Variants in MAB21L3 observed in about 807,000 individuals in gnomAD.
MAB21L3 encodes the protein protein mab-21-like 3.
Under a neutral mutation model 37.7 loss-of-function variants are expected in MAB21L3, and 36 were observed. That is an observed-to-expected ratio of 0.96 (90% CI 0.73 to 1.26). The LOEUF is 1.26. Ranked by LOEUF, MAB21L3 falls within the 50% of genes most tolerant of loss-of-function variation. MAB21L3 has a pLI of 0.00. For missense variants in MAB21L3, 430 were observed against 447.3 expected (o/e 0.96, Z 0.35); for synonymous variants, 186 against 176.8 (o/e 1.05, Z -0.41).
At chr1:116,124,832 A>T (rs147417328) in intron 5 of MAB21L3, among the ~76,000 whole-genome samples, 1,823 of 152,004 alleles carry the variant, frequency 0.012, 22 homozygotes, top group Non-Finnish European at 0.017. Context: ...ACTAAGTTTG[A>T]CAACTCCAAA....
chr1:116,123,371 G>C (rs1659803617), intron 4 of MAB21L3, among the ~76,000 whole-genome samples: 1 of 151,946 alleles, frequency 6.6e-6, no homozygotes, highest in African/African-American at 2.4e-5. Flanking sequence ...GGAAGGGTTA[G>C]TCATGAACAC....
intron 7 of MAB21L3, among the ~76,000 whole-genome samples, chr1:116,128,677 C>A (rs892120610): frequency 2.0e-5 from 3 of 152,106 alleles, no homozygotes; most frequent in Non-Finnish European, 2.9e-5. Context: ...TGCCAGAAAC[C>A]CTGCTGAGGT....
chr1:116,127,531 G>A lies in MAB21L3; in HGVS notation c.547G>A (p.Val183Met), dbSNP rs753831631. Reference protein sequence around the residue: ...WVAVETSAYQVELELVPAVEI... With the variant: ...WVAVETSAYQMELELVPAVEI... ...TGCTGTGGAAACATCTGCATATCAG[G>A]TGGAACTGGAGCTGGTCCCCGCAGT... The change falls in exon 6 of 8, where the codon GTG becomes ATG. Residue 183 changes from valine to methionine, a missense_variant. By Grantham distance (21) the Val-to-Met change is conservative (BLOSUM62 1). Transcript: ENST00000369500. 6 of 1,614,078 alleles carry A rather than the reference G, an allele frequency of 3.7e-6. No individual in the cohort carries two copies. The highest frequency in any genetic ancestry group is 1.7e-5 in the Admixed American group (1 of 60,010).
At chr1:116,127,994 G>T (rs1659957879) in intron 6 of MAB21L3, 151 bp from the exon 7 acceptor site, 4 of 775,250 alleles carry the variant, frequency 5.2e-6, no homozygotes, top group African/African-American at 3.5e-5. Context: ...GGTGGCTTGT[G>T]GTCTCCCTGG....
At chr1:116,129,980 T>C (rs1311994076) in intron 7 of MAB21L3, among the ~76,000 whole-genome samples, 1 of 152,238 alleles carries the variant, frequency 6.6e-6, no homozygotes, top group Non-Finnish European at 1.5e-5. Flanking sequence ...ATGGAGGGCA[T>C]GTGCTTGCAG....
chr1:116,132,300 G>A (rs1252115904), intron 7 of MAB21L3, among the ~76,000 whole-genome samples: 1 of 152,160 alleles, frequency 6.6e-6, no homozygotes, highest in Non-Finnish European at 1.5e-5. Context: ...GCAGGCCAAG[G>A]AGTAAAAGCC....
At chr1:116,123,505 T>C (rs1659809663) in intron 4 of MAB21L3, among the ~76,000 whole-genome samples, 1 of 152,206 alleles carries the variant, frequency 6.6e-6, no homozygotes, top group Non-Finnish European at 1.5e-5. Flanking sequence ...ATGTCATTCA[T>C]TGTTGGCTGA....
chr1:116,112,723 A>G (rs1320769983), intron 3 of MAB21L3, 60 bp downstream of exon 3: 20 of 1,558,710 alleles, frequency 1.3e-5, no homozygotes, highest in Admixed American at 1.7e-5. Flanking sequence ...CTTCCAAACA[A>G]ACCTTCGTCC....
chr1:116,118,290 G>A (rs1659648722), intron 3 of MAB21L3, among the ~76,000 whole-genome samples: 1 of 151,782 alleles, frequency 6.6e-6, no homozygotes, highest in Non-Finnish European at 1.5e-5. Context: ...GCTGAGGCAG[G>A]ACAATCACTT....
At chr1:116,120,402 TACACACACACAC>T (rs750221425) in intron 3 of MAB21L3, among the ~76,000 whole-genome samples, 3 of 91,690 alleles carry the variant, frequency 3.3e-5, no homozygotes, top group Non-Finnish European at 5.9e-5. Flanking sequence ...TATTACATTA[TACACACACACAC>T]ACACACACAC....
chr1:116,120,151 C>G (rs962615843), intron 3 of MAB21L3, among the ~76,000 whole-genome samples: 2 of 152,054 alleles, frequency 1.3e-5, no homozygotes, highest in African/African-American at 2.4e-5. Flanking sequence ...AAACTCACCT[C>G]CTATCACTTT....
chr1:116,128,030 A>T (rs1659960118), intron 6 of MAB21L3, 115 bp from the exon 7 acceptor site: 1 of 1,085,316 alleles, frequency 9.2e-7, no homozygotes, highest in South Asian at 1.6e-5. Context: ...CCCACGTAGG[A>T]TGTGCTGTCT....
chr1:116,127,716 T>C, intron 6 of MAB21L3, 72 bp downstream of exon 6: 2 of 1,440,934 alleles, frequency 1.4e-6, no homozygotes. Flanking sequence ...CATTACTGAC[T>C]GCCAATGAGT....
intron 7 of MAB21L3, among the ~76,000 whole-genome samples, chr1:116,130,741 T>C (rs1032806512): frequency 1.3e-4 from 20 of 152,246 alleles, no homozygotes; most frequent in African/African-American, 4.6e-4. Context: ...CAAAAGCTTA[T>C]CTTTTATTGC....
In MAB21L3 at chr1:116,124,209, G is replaced by A. The variant is rs199757968; in HGVS notation, c.333G>A (p.Gln111=). 8.5e-5 allele frequency: 138 copies of A among 1,614,110 alleles called. No individual in the cohort carries two copies. The highest frequency in any genetic ancestry group is 1.1e-4 in the Non-Finnish European group (124 of 1,180,054). ...CGTTGCGGGACCCTGAGGGTCTGCA[G>A]CAGTGGCTGGAGGTGGAACAGTTTA... The part of the protein sequence containing the change: ...PCPLRDPEGL[Q]QWLEVEQFMK... Residue 111 remains glutamine (Q), a synonymous_variant, in exon 5 of 8, where the codon CAG becomes CAA. Coordinates refer to ENST00000369500, the MANE Select transcript of MAB21L3 (RefSeq NM_152367.3).
At chr1:116,129,587 C>T (rs1328856835) in intron 7 of MAB21L3, among the ~76,000 whole-genome samples, 1 of 152,212 alleles carries the variant, frequency 6.6e-6, no homozygotes, top group Non-Finnish European at 1.5e-5. Flanking sequence ...ACTCTGTCTG[C>T]TCTAAAGTAA....
At chr1:116,117,162 C>CATATATATATATATATATATATAT (rs35799148) in intron 3 of MAB21L3, among the ~76,000 whole-genome samples, 2 of 114,568 alleles carry the variant, frequency 1.7e-5, no homozygotes, top group Non-Finnish European at 3.4e-5. Flanking sequence ...AATATACATA[C>CATATATATATATATATATATATAT]ATATATATAT....
Position 116,136,686 on chromosome 1 carries a change from A to C in MAB21L3, c.*3321A>C, listed in dbSNP as rs1223580640. On this transcript the variant is annotated 3_prime_UTR_variant, in exon 8 of 8. Coordinates refer to ENST00000369500, the MANE Select transcript of MAB21L3 (RefSeq NM_152367.3). Reference sequence around the variant, plus strand: ...TGCCAAGTCAATTCTAAGCCAAAAGAACAAAGCTGGAGGCATCACACTACC... The same window carrying C: ...TGCCAAGTCAATTCTAAGCCAAAAGCACAAAGCTGGAGGCATCACACTACC... Among the ~76,000 whole-genome samples the C allele has an allele frequency of 3.3e-5, 5 of 152,220 alleles. No homozygotes were observed. Among genetic ancestry groups the C allele is most frequent in the Non-Finnish European group, 7.3e-5 (5 of 68,040 alleles).
chr1:116,135,370 A>T lies in MAB21L3; in HGVS notation c.*2005A>T, dbSNP rs984381032. The T allele has an allele frequency of 4.6e-5, 7 of 152,168 alleles. No individual in the cohort carries two copies. The highest frequency in any genetic ancestry group is 8.8e-5 in the Non-Finnish European group (6 of 68,032). The allele number at this position is 152,168 out of a possible 1,614,324, so 9.4% of individuals were successfully genotyped here. ...AACTCCTCTACGCAAATAAACTAGA[A>T]AATCTAGAAGAAATGGATAAATTCC... On this transcript the variant is annotated 3_prime_UTR_variant, in exon 8 of 8. Transcript: ENST00000369500.
Sources: allele counts gnomAD v4.1 joint callset (sites outside exome capture counted in the v4.1 genomes callset), GRCh38; gene constraint gnomAD v4.1.1; transcripts MANE v1.5; gene names NCBI Gene and HGNC (gene_info 2026-07-23, HGNC 2026-07-21).